MICAL2: variants seen among roughly 807,000 people sequenced by gnomAD.
MICAL2 encodes the protein [F-actin]-monooxygenase MICAL2.
In MICAL2, 77 loss-of-function variants were observed where a neutral mutation model predicts 127.3. The observed-to-expected ratio is 0.60, with a 90% confidence interval of 0.50 to 0.73. The LOEUF is 0.73. MICAL2 is among the 30% of genes least tolerant of loss of function. The probability of loss-of-function intolerance (pLI) is 0.00; values close to 1 mark genes in which losing one functional copy is unlikely to be tolerated. For missense variants in MICAL2, 1,351 were observed against 1,434.4 expected (o/e 0.94, Z 0.94); for synonymous variants, 570 against 551.1 (o/e 1.03, Z -0.48).
chr11:12,272,567 CAA>C (rs1231304529), upstream of MICAL2, among the ~76,000 whole-genome samples: 1 of 152,170 alleles, frequency 6.6e-6, no homozygotes, highest in Non-Finnish European at 1.5e-5. Context: ...ACACAAGAAG[CAA>C]GGCATGGAGC....
downstream of MICAL2, among the ~76,000 whole-genome samples, chr11:12,289,894 G>C (rs1437748074): frequency 6.6e-6 from 1 of 152,188 alleles, no homozygotes. Flanking sequence ...TTTAGCCCAT[G>C]TTATCTGCTC....
chr11:12,170,732 C>A (rs1856141277), intron 3 of MICAL2, among the ~76,000 whole-genome samples: 1 of 152,188 alleles, frequency 6.6e-6, no homozygotes. Context: ...TCCTCTTATT[C>A]CATCCCCAAT....
At position 12,262,210 on chromosome 11, in the gene MICAL2, C is replaced by A. The variant is rs1294912152; in HGVS notation, c.3335-270C>A. ...CATATTCAAGAATGAATGGGAGACGCTAGAGTAAAATGGGGGCAGAGAGGA... is the reference window on the plus strand; with the variant it reads ...CATATTCAAGAATGAATGGGAGACGATAGAGTAAAATGGGGGCAGAGAGGA... On this transcript the variant is annotated intron_variant, in intron 26 of 27. Coordinates refer to ENST00000683283, the MANE Select transcript of MICAL2 (RefSeq NM_001282663.2). 2.2e-6 allele frequency: 3 copies of A among 1,347,098 alleles called. No individual in the cohort carries two copies. The African/African-American group carries it at 4.4e-5, about 20-fold the overall frequency. The allele number at this position is 1,347,098 out of a possible 1,614,324, so 83.4% of individuals were successfully genotyped here.
Position 12,249,330 on chromosome 11 carries a change from G to A in MICAL2, c.2847+84G>A. 4 of 800,478 alleles carry A rather than the reference G, an allele frequency of 5.0e-6. No individual in the cohort carries two copies. In the South Asian group the frequency reaches 5.8e-5, roughly 12 times the overall value. 49.6% of individuals were successfully genotyped at this position (800,478 alleles called of 1,614,324 possible). On this transcript the variant is annotated intron_variant, in intron 22 of 27. Transcript: ENST00000683283. ...CCACCTGCAGGGCTCTGGGAGTTAA[G>A]CGCATATGATCAGCAGCAGTACAGT...
intron 2 of MICAL2, among the ~76,000 whole-genome samples, chr11:12,147,214 A>AT (rs1491201670): frequency 7.5e-5 from 8 of 106,288 alleles, no homozygotes; most frequent in Admixed American, 4.2e-4. Flanking sequence ...TATAATAATA[A>AT]TAAAAAAAAG....
chr11:12,285,959 C>A (rs1863821935), intron 2 of MICAL2, among the ~76,000 whole-genome samples: 1 of 152,176 alleles, frequency 6.6e-6, no homozygotes, highest in Non-Finnish European at 1.5e-5. Flanking sequence ...CGTCCCCATC[C>A]TTTCTCTCCA....
At chr11:12,352,726 A>C (rs1939072080) in intron 33 of MICAL2, among the ~76,000 whole-genome samples, 1 of 152,198 alleles carries the variant, frequency 6.6e-6, no homozygotes, top group South Asian at 2.1e-4. Context: ...ATGCCTATGA[A>C]GGGAGAAGGA....
chr11:12,284,266 CTT>C (rs1415856320), intron 2 of MICAL2, among the ~76,000 whole-genome samples: 4 of 152,152 alleles, frequency 2.6e-5, no homozygotes, highest in African/African-American at 9.7e-5. Flanking sequence ...ATGGAGGACA[CTT>C]ATCAGTTTGT....
intron 26 of MICAL2, chr11:12,260,114 G>A: frequency 6.5e-7 from 1 of 1,535,626 alleles, no homozygotes; most frequent in South Asian, 1.2e-5. Context: ...GAATCTGAGG[G>A]CTCCCTCGAG....
intron 29 of MICAL2, among the ~76,000 whole-genome samples, chr11:12,317,278 T>C (rs1054771224): frequency 6.6e-6 from 1 of 152,212 alleles, no homozygotes; most frequent in Non-Finnish European, 1.5e-5. Context: ...AAAGACCCTC[T>C]AGGCAGAAAG....
intron 29 of MICAL2, among the ~76,000 whole-genome samples, chr11:12,305,618 C>G (rs191780479): frequency 4.2e-4 from 64 of 152,272 alleles, no homozygotes; most frequent in Non-Finnish European, 8.2e-4. Context: ...AAGTTGTGTG[C>G]CTGTGACCTA....
chr11:12,262,714 C>T (rs1863296839), intron 27 of MICAL2, 177 bp downstream of exon 27: 1 of 604,322 alleles, frequency 1.7e-6, no homozygotes, highest in East Asian at 2.8e-5. Context: ...CAGCTTGAGA[C>T]CCATGCCTGT....
chr11:12,112,112 T>C (rs936076087), intron 1 of MICAL2, among the ~76,000 whole-genome samples: 3 of 152,066 alleles, frequency 2.0e-5, no homozygotes, highest in African/African-American at 7.2e-5. Flanking sequence ...GTGCCCAAGG[T>C]CACACAACAA....
downstream of MICAL2, among the ~76,000 whole-genome samples, chr11:12,268,326 G>C (rs1481343571): frequency 2.6e-5 from 4 of 152,318 alleles, no homozygotes; most frequent in African/African-American, 9.6e-5. Flanking sequence ...GGTGGGCCTT[G>C]GATGCCTCCT....
chr11:12,249,584 A>G (rs1437479408), intron 22 of MICAL2, among the ~76,000 whole-genome samples: 1 of 152,212 alleles, frequency 6.6e-6, no homozygotes, highest in East Asian at 1.9e-4. Flanking sequence ...CTCCTCAGTG[A>G]GGATGTCCTT....
chr11:12,335,804 T>C (rs1423858133), intron 32 of MICAL2, among the ~76,000 whole-genome samples: 3 of 152,230 alleles, frequency 2.0e-5, no homozygotes, highest in African/African-American at 7.2e-5. Flanking sequence ...TTCTGTTCCA[T>C]TGGTCTGTGT....
At chr11:12,178,583 G>A (rs1857092493) in intron 3 of MICAL2, among the ~76,000 whole-genome samples, 1 of 152,100 alleles carries the variant, frequency 6.6e-6, no homozygotes, top group Non-Finnish European at 1.5e-5. Context: ...ATAAAGAAAT[G>A]TTTGAGTTAA....
At chr11:12,125,317 G>A (rs1444051901) in intron 1 of MICAL2, among the ~76,000 whole-genome samples, 3 of 152,204 alleles carry the variant, frequency 2.0e-5, no homozygotes, top group East Asian at 1.9e-4. Context: ...GCAGTGGCGC[G>A]ATCTCGGCTC....
chr11:12,308,954 A>G (rs1410610270), intron 29 of MICAL2, among the ~76,000 whole-genome samples: 1 of 152,200 alleles, frequency 6.6e-6, no homozygotes, highest in African/African-American at 2.4e-5. Flanking sequence ...ATGTAAGCAA[A>G]TGCTTTTTCT....
Sources: gnomAD v4.1 joint callset for allele counts (sites outside exome capture counted in the v4.1 genomes callset) on GRCh38, gnomAD v4.1.1 for gene constraint, MANE v1.5 for transcripts, NCBI Gene and HGNC (gene_info 2026-07-23, HGNC 2026-07-21) for gene names.